Variants in CASD1 observed in about 807,000 individuals in gnomAD.
CASD1 encodes the protein N-acetylneuraminate (7)9-O-acetyltransferase.
CASD1 carries 41 observed loss-of-function variants against 100.0 expected under a neutral mutation model. That is an observed-to-expected ratio of 0.41 (90% CI 0.32 to 0.53). The LOEUF (loss-of-function observed/expected upper bound fraction) is 0.53, where lower values mean the gene tolerates loss of function less well. Ranked by LOEUF, CASD1 falls within the 20% of genes least tolerant of loss-of-function variation. CASD1 has a pLI of 0.25. For synonymous variants in CASD1, 321 were observed against 315.6 expected, an observed-to-expected ratio of 1.02 and a Z score of -0.18; for missense variants, 774 against 948.7, an observed-to-expected ratio of 0.82 and a Z score of 2.42.
At chr7:94,574,221 A>G in the CASD1 span, among the ~76,000 whole-genome samples, 2 of 152,084 alleles carry the variant, frequency 1.3e-5, no homozygotes, top group Non-Finnish European at 2.9e-5. Flanking sequence ...AGGTTTTGGT[A>G]TCAGGATTAT....
At chr7:94,625,212 TATATG>T in the CASD1 span, 4 of 151,946 alleles carry the variant, frequency 2.6e-5, no homozygotes, top group Admixed American at 1.3e-4. Flanking sequence ...TTAGTAGACT[TATATG>T]ATTAAATATT....
the CASD1 span, among the ~76,000 whole-genome samples, chr7:94,568,166 G>A: frequency 6.6e-6 from 1 of 152,106 alleles, no homozygotes; most frequent in South Asian, 2.1e-4. Flanking sequence ...AATTAAAACT[G>A]TGTGGAGCTA....
chr7:94,607,291 C>T, the CASD1 span, among the ~76,000 whole-genome samples: 1 of 152,118 alleles, frequency 6.6e-6, no homozygotes, highest in Non-Finnish European at 1.5e-5. Context: ...TACTTCCTAT[C>T]TCATTCTATG....
At chr7:94,628,234 C>T in the CASD1 span, 1 of 1,611,596 alleles carries the variant, frequency 6.2e-7, no homozygotes, top group Non-Finnish European at 8.5e-7. Context: ...ACATTTTCAG[C>T]TGTTGGGGAC....
the CASD1 span, among the ~76,000 whole-genome samples, chr7:94,591,373 T>C: frequency 6.6e-6 from 1 of 152,128 alleles, no homozygotes; most frequent in Non-Finnish European, 1.5e-5. Context: ...CAGTGCACCT[T>C]CTACACATAG....
chr7:94,632,275 A>T, the CASD1 span, among the ~76,000 whole-genome samples: 2 of 152,020 alleles, frequency 1.3e-5, no homozygotes, highest in African/African-American at 4.8e-5. Flanking sequence ...CCTGAAGTGG[A>T]ACCATTAAAG....
intron 11 of CASD1, 22 bp downstream of exon 11, chr7:94,544,552 C>T: frequency 1.3e-6 from 2 of 1,597,064 alleles, no homozygotes; most frequent in Non-Finnish European, 1.7e-6. Context: ...CTGTTATTTC[C>T]TTTTCTTCCA....
the CASD1 span, among the ~76,000 whole-genome samples, chr7:94,607,437 A>G: frequency 3.9e-5 from 6 of 152,336 alleles, no homozygotes; most frequent in South Asian, 2.1e-4. Context: ...TCAACAATGT[A>G]TAAAAGGAAT....
intron 15 of CASD1, 103 bp from the exon 16 acceptor site, chr7:94,552,247 A>G: frequency 1.3e-6 from 1 of 753,484 alleles, no homozygotes; most frequent in Non-Finnish European, 2.2e-6. Context: ...AGCATAATGA[A>G]GTATAATGTT....
chr7:94,581,797 C>A, the CASD1 span, among the ~76,000 whole-genome samples: 1 of 152,304 alleles, frequency 6.6e-6, no homozygotes, highest in African/African-American at 2.4e-5. Context: ...TAGGTTGATT[C>A]TACCTCTCTG....
At position 94,518,262 on chromosome 7, in the gene CASD1, G is replaced by T. The variant is rs1325597208; in HGVS notation, c.290G>T (p.Arg97Leu). ...HIAFIGDSRIRQLFYSFVKII... is the reference protein window; with the variant it reads ...HIAFIGDSRILQLFYSFVKII... ...GCATTTATTGGAGATTCCAGAATTC[G>T]TCAATTGTTTTATTCTTTTGTAAAA... The change falls in exon 3 of 18, where the codon CGT becomes CTT. Residue 97 changes from arginine to leucine, a missense_variant. Transcript: ENST00000297273. 11 of 1,576,502 alleles carry T rather than the reference G, an allele frequency of 7.0e-6. No individual in the cohort carries two copies. Among genetic ancestry groups the T allele is most frequent in the Non-Finnish European group, 8.6e-6 (10 of 1,163,706 alleles).
chr7:94,549,329 A>T (rs930875529), intron 13 of CASD1, among the ~76,000 whole-genome samples: 6 of 151,996 alleles, frequency 3.9e-5, no homozygotes, highest in African/African-American at 1.4e-4. Flanking sequence ...TCATTAGAAG[A>T]TAAATTTATT....
At chr7:94,549,940 A>C (rs1433845612) in intron 14 of CASD1, among the ~76,000 whole-genome samples, 1 of 152,114 alleles carries the variant, frequency 6.6e-6, no homozygotes, top group African/African-American at 2.4e-5. Flanking sequence ...CATTCAAAAC[A>C]ATATTTATTG....
the CASD1 span, chr7:94,590,040 C>T: frequency 6.6e-6 from 1 of 152,038 alleles, no homozygotes; most frequent in South Asian, 2.1e-4. Context: ...TATCTATCTG[C>T]AGATTAAATT....
intron 3 of CASD1, among the ~76,000 whole-genome samples, chr7:94,520,848 T>A (rs1336603306): frequency 6.6e-6 from 1 of 151,770 alleles, no homozygotes; most frequent in Non-Finnish European, 1.5e-5. Context: ...TCCGAGCACT[T>A]TGGGAGGCCG....
chr7:94,620,122 C>G, the CASD1 span: 11 of 152,168 alleles, frequency 7.2e-5, no homozygotes, highest in Admixed American at 7.2e-4. Context: ...GTAAGATATT[C>G]CACTTTTATT....
intron 3 of CASD1, among the ~76,000 whole-genome samples, chr7:94,519,728 A>G (rs1361569580): frequency 1.3e-4 from 20 of 152,252 alleles, no homozygotes; most frequent in Non-Finnish European, 1.5e-4. Flanking sequence ...GCTGGTCTTA[A>G]ACTTCTGAGC....
chr7:94,527,289 A>G (rs1794622608), intron 4 of CASD1, 83 bp downstream of exon 4: 9 of 1,033,760 alleles, frequency 8.7e-6, no homozygotes, highest in Admixed American at 1.8e-5. Flanking sequence ...GTATATTTCA[A>G]TGTATTCTTG....
At chr7:94,573,357 G>C in the CASD1 span, among the ~76,000 whole-genome samples, 1 of 152,202 alleles carries the variant, frequency 6.6e-6, no homozygotes. Context: ...TCCCGTCCAT[G>C]AGCATGGGAA....
Sources: gnomAD v4.1 joint callset for allele counts (sites outside exome capture counted in the v4.1 genomes callset) on GRCh38, gnomAD v4.1.1 for gene constraint, MANE v1.5 for transcripts, NCBI Gene and HGNC (gene_info 2026-07-23, HGNC 2026-07-21) for gene names.